The following PIAS1 variants were observed in gnomAD, a reference collection of about 807,000 sequenced individuals.
The protein encoded by PIAS1 is E3 SUMO-protein ligase PIAS1.
Under a neutral mutation model 71.3 loss-of-function variants are expected in PIAS1, and 6 were observed. The observed-to-expected ratio is 0.08, with a 90% CI of 0.05 to 0.17. The LOEUF is 0.17. Among genes scored for constraint, PIAS1 ranks in the 10% least tolerant of loss-of-function variants. PIAS1 has a pLI of 1.00. For missense variants in PIAS1, 555 were observed against 793.6 expected (o/e 0.70, Z 3.61); for synonymous variants, 303 against 292.9 (o/e 1.03, Z -0.35).
chr15:68,107,143 T>C (rs1237641019), intron 2 of PIAS1, among the ~76,000 whole-genome samples: 1 of 152,214 alleles, frequency 6.6e-6, no homozygotes, highest in African/African-American at 2.4e-5. Flanking sequence ...TATTTCTTCT[T>C]CTGAACCTAT....
chr15:68,151,939 A>ATTTTTTTTTTTTTTTTTT (rs1201017658), intron 6 of PIAS1, among the ~76,000 whole-genome samples: 1 of 68,198 alleles, frequency 1.5e-5, no homozygotes, highest in East Asian at 5.3e-4. Context: ...AAATTTAGGA[A>ATTTTTTTTTTTTTTTTTT]TTTTTTTTTT....
chr15:68,084,190 G>C (rs1260916060), intron 1 of PIAS1, among the ~76,000 whole-genome samples: 4 of 152,016 alleles, frequency 2.6e-5, no homozygotes, highest in Admixed American at 1.3e-4. Context: ...GAATTTTGCT[G>C]GTTTGTTTTT....
intron 2 of PIAS1, among the ~76,000 whole-genome samples, chr15:68,140,354 G>T (rs1276314706): frequency 1.3e-5 from 2 of 152,130 alleles, no homozygotes; most frequent in African/African-American, 4.8e-5. Flanking sequence ...TAAGTCTACT[G>T]GACTAAAATC....
At chr15:68,183,905 C>A (rs1387994773) in intron 13 of PIAS1, 2 of 357,436 alleles carry the variant, frequency 5.6e-6, no homozygotes, top group Non-Finnish European at 1.0e-5. Flanking sequence ...AAAAGTATCA[C>A]ACGTATAATT....
intron 10 of PIAS1, among the ~76,000 whole-genome samples, chr15:68,175,994 T>A (rs1216967026): frequency 6.6e-6 from 1 of 152,222 alleles, no homozygotes; most frequent in African/African-American, 2.4e-5. Context: ...TAATGTAATA[T>A]AATTAGTCAT....
chr15:68,071,461 T>C lies in PIAS1; in HGVS notation c.25-14845T>C, dbSNP rs375051570. On this transcript the variant is annotated intron_variant, in intron 1 of 13. Transcript: ENST00000249636. ...TGAACTCCTGACCTTGTGATCCACC[T>C]GCCTCGGCCTCCCAAAGTGCTGGGA... Among the ~76,000 whole-genome samples, 41 of 150,770 alleles carry C rather than the reference T, an allele frequency of 2.7e-4. 2 individuals carry two copies. The East Asian group carries it at 3.4e-3, about 12-fold the overall frequency.
intron 2 of PIAS1, among the ~76,000 whole-genome samples, chr15:68,097,359 C>T (rs2092384481): frequency 1.3e-5 from 2 of 152,012 alleles, no homozygotes; most frequent in Admixed American, 6.6e-5. Context: ...ATAATGTTAG[C>T]TGTGGATTCT....
chr15:68,084,673 A>C (rs1036888778), intron 1 of PIAS1, among the ~76,000 whole-genome samples: 12 of 152,120 alleles, frequency 7.9e-5, no homozygotes, highest in Non-Finnish European at 1.6e-4. Context: ...TTGTTCGTTC[A>C]TTCATTCACT....
At chr15:68,114,715 A>G (rs1336937983) in intron 2 of PIAS1, among the ~76,000 whole-genome samples, 1 of 151,848 alleles carries the variant, frequency 6.6e-6, no homozygotes, top group Non-Finnish European at 1.5e-5. Context: ...AATCTCAATT[A>G]TTTTATGTAT....
chr15:68,065,398 T>C (rs1446414628), intron 1 of PIAS1, among the ~76,000 whole-genome samples: 3 of 151,946 alleles, frequency 2.0e-5, no homozygotes, highest in Admixed American at 2.0e-4. Context: ...CAGACCAGCC[T>C]GGACAACATG....
intron 1 of PIAS1, among the ~76,000 whole-genome samples, chr15:68,077,786 ACTACTTGCTAG>A (rs1487592813): frequency 4.6e-5 from 7 of 152,320 alleles, no homozygotes; most frequent in South Asian, 2.1e-4. Context: ...TCTGAGCTCC[ACTACTTGCTAG>A]CTCTGTTACC....
chr15:68,118,520 CT>C lies in PIAS1; in HGVS notation c.470-23422del, dbSNP rs1166985943. On this transcript the variant is annotated intron_variant, in intron 2 of 13. Transcript: ENST00000249636. ...CCCTGCTAAGTCTTTTAATTTTTTTCTTTTGGAAATGGGTTGTCACTATGTT... is the reference window on the plus strand; with the variant it reads ...CCCTGCTAAGTCTTTTAATTTTTTTCTTTGGAAATGGGTTGTCACTATGTT... Among the ~76,000 whole-genome samples the C allele has an allele frequency of 2.6e-5, 4 of 151,786 alleles. No homozygotes were observed. In the East Asian group the frequency reaches 7.7e-4, roughly 29 times the overall value.
intron 2 of PIAS1, among the ~76,000 whole-genome samples, chr15:68,140,550 G>A (rs1487833942): frequency 6.6e-6 from 1 of 152,102 alleles, no homozygotes; most frequent in Non-Finnish European, 1.5e-5. Context: ...TTAAGAAAAA[G>A]CCATCCTAGA....
intron 2 of PIAS1, among the ~76,000 whole-genome samples, chr15:68,111,545 A>G (rs1369556750): frequency 6.6e-6 from 1 of 152,198 alleles, no homozygotes; most frequent in African/African-American, 2.4e-5. Flanking sequence ...TTGGCCGTTA[A>G]AAAGTAAAAT....
At chr15:68,115,088 C>T (rs781275569) in intron 2 of PIAS1, among the ~76,000 whole-genome samples, 2 of 152,018 alleles carry the variant, frequency 1.3e-5, no homozygotes, top group South Asian at 2.1e-4. Flanking sequence ...CAAAACGATG[C>T]CATAGGATAA....
rs2092284563 is a variant in PIAS1 at position 68,086,587 on chromosome 15, C to T, written c.306C>T (p.His102=). The change falls in exon 2 of 14, where the codon CAC becomes CAT. Residue 102 remains histidine (H), a synonymous_variant. Coordinates refer to ENST00000249636, the MANE Select transcript of PIAS1 (RefSeq NM_016166.3). This position sits in a 1 kb window ranked among gnomAD's most constrained non-coding sequence, Gnocchi z 7.2. ...STIPQLTYDG[H]PASSPLLPVS... is the part of the protein sequence containing the mutation. ...TTCCACAACTCACTTACGATGGTCA[C>T]CCTGCATCATCGCCATTACTCCCTG... 1.2e-6 allele frequency: 2 copies of T among 1,613,906 alleles called. No individual in the cohort carries two copies. The highest frequency in any genetic ancestry group is 1.3e-5 in the African/African-American group (1 of 75,026).
chr15:68,124,093 G>T (rs977203338), intron 2 of PIAS1, among the ~76,000 whole-genome samples: 1 of 152,078 alleles, frequency 6.6e-6, no homozygotes, highest in Non-Finnish European at 1.5e-5. Flanking sequence ...ATCTCTCTGT[G>T]TCTGTATTGT....
At chr15:68,109,028 G>A (rs1314425615) in intron 2 of PIAS1, among the ~76,000 whole-genome samples, 4 of 152,060 alleles carry the variant, frequency 2.6e-5, no homozygotes, top group Non-Finnish European at 5.9e-5. Flanking sequence ...CTCTCCATTT[G>A]CCTGGCCATC....
At chr15:68,158,769 A>G (rs2092906842) in intron 7 of PIAS1, among the ~76,000 whole-genome samples, 5 of 152,170 alleles carry the variant, frequency 3.3e-5, no homozygotes. Flanking sequence ...CTGAATTAAA[A>G]TAACCTGATA....
Sources: allele counts gnomAD v4.1 joint callset (sites outside exome capture counted in the v4.1 genomes callset), GRCh38; gene constraint gnomAD v4.1.1; non-coding constraint Gnocchi (gnomAD v3.1); transcripts MANE v1.5; gene names NCBI Gene and HGNC (gene_info 2026-07-23, HGNC 2026-07-21).